NADK2: variants seen among roughly 807,000 people sequenced by gnomAD.
The protein encoded by NADK2 is NAD kinase domain-containing protein 1, mitochondrial.
NADK2 carries 35 observed loss-of-function variants against 62.1 expected under a neutral mutation model. The observed-to-expected ratio is 0.56, with a 90% CI of 0.43 to 0.75. The LOEUF (loss-of-function observed/expected upper bound fraction) is 0.75. Among genes scored for constraint, NADK2 ranks in the 30% least tolerant of loss-of-function variants. The probability of loss-of-function intolerance (pLI) is 0.00; values close to 1 mark genes in which losing one functional copy is unlikely to be tolerated. For missense variants in NADK2, 439 were observed against 561.3 expected (o/e 0.78, Z 2.20); for synonymous variants, 205 against 207.9 (o/e 0.99, Z 0.12).
intron 1 of NADK2, among the ~76,000 whole-genome samples, chr5:36,230,295 T>C (rs1037948740): frequency 6.6e-6 from 1 of 152,204 alleles, no homozygotes; most frequent in Non-Finnish European, 1.5e-5. Flanking sequence ...TGGAATGCTT[T>C]CCATCCCTCC....
At chr5:36,211,520 A>G (rs1746841347) in intron 7 of NADK2, among the ~76,000 whole-genome samples, 2 of 151,360 alleles carry the variant, frequency 1.3e-5, no homozygotes, top group South Asian at 4.2e-4. Flanking sequence ...ACGCCACTGC[A>G]ATCCAGCCTG....
At chr5:36,212,030 A>T (rs980401407) in intron 6 of NADK2, 108 bp from the exon 7 acceptor site, 2 of 781,386 alleles carry the variant, frequency 2.6e-6, no homozygotes, top group Non-Finnish European at 4.2e-6. Flanking sequence ...TTTTTAAAAG[A>T]ATCACATACT....
At position 36,217,732 on chromosome 5, in the gene NADK2, T is replaced by G. The variant is rs369476638; in HGVS notation, c.781+16A>C. 3.7e-6 allele frequency: 6 copies of G among 1,613,672 alleles called. No individual in the cohort carries two copies. The South Asian group carries it at 6.6e-5, about 18-fold the overall frequency. On this transcript the variant is annotated intron_variant, in intron 6 of 11. Coordinates refer to ENST00000381937, the MANE Select transcript of NADK2 (RefSeq NM_001085411.3). ...TAAATATTTCCCCAAACACATCTGA[T>G]GCCCAATCCACCTACTTTCATCATG...
chr5:36,200,985 A>G, intron 9 of NADK2, 121 bp downstream of exon 9: 1 of 754,136 alleles, frequency 1.3e-6, no homozygotes, highest in Non-Finnish European at 2.2e-6. Context: ...AGAAAGAAAA[A>G]GAAATTAATG....
intron 2 of NADK2, 144 bp downstream of exon 2, chr5:36,227,332 AT>A (rs1278727416): frequency 2.6e-6 from 1 of 388,192 alleles, no homozygotes; most frequent in Non-Finnish European, 4.6e-6. Flanking sequence ...ATAAAATCAG[AT>A]CCATTAACCT....
rs201462787 is a variant in NADK2 at position 36,193,568 on chromosome 5, TC to T, written c.*1575del. 47 of 114,902 alleles carry T rather than the reference TC, an allele frequency of 4.1e-4. No homozygotes were observed. The highest frequency in any genetic ancestry group is 3.7e-3 in the Admixed American group (45 of 12,068). 7.1% of individuals were successfully genotyped at this position (114,902 alleles called of 1,614,324 possible). ...TTTATAAAGTGGTATCTTATGTATA[TC>T]AAAAAAAAAAAGCCAGATCAATCTC... On this transcript the variant is annotated 3_prime_UTR_variant, in exon 12 of 12. Transcript: ENST00000381937.
At chr5:36,213,205 G>C (rs930737754) in intron 6 of NADK2, 1 of 152,072 alleles carries the variant, frequency 6.6e-6, no homozygotes, top group African/African-American at 2.4e-5. Flanking sequence ...AACTAGCTAA[G>C]CTACTCTTAG....
chr5:36,216,617 T>C (rs1747054670), intron 6 of NADK2, among the ~76,000 whole-genome samples: 1 of 152,138 alleles, frequency 6.6e-6, no homozygotes, highest in Non-Finnish European at 1.5e-5. Flanking sequence ...ACATCCTAGA[T>C]GCTGAGCTAT....
At chr5:36,224,646 G>A (rs751861381) in intron 4 of NADK2, among the ~76,000 whole-genome samples, 1 of 152,028 alleles carries the variant, frequency 6.6e-6, no homozygotes, top group African/African-American at 2.4e-5. Context: ...GAAAATGGAG[G>A]TGATCAAAAT....
intron 8 of NADK2, 63 bp downstream of exon 8, chr5:36,207,107 C>A (rs1260857495): frequency 2.5e-5 from 36 of 1,415,532 alleles, no homozygotes; most frequent in Non-Finnish European, 3.5e-5. Flanking sequence ...TTAGATGGGC[C>A]AAAATATTAC....
At chr5:36,218,778 CT>C (rs1415937566) in intron 5 of NADK2, among the ~76,000 whole-genome samples, 3 of 152,112 alleles carry the variant, frequency 2.0e-5, no homozygotes, top group African/African-American at 7.2e-5. Context: ...GTAAAAGAAA[CT>C]TTTAAAAATC....
Position 36,241,693 on chromosome 5 carries a change from G to A in NADK2, c.106C>T (p.Arg36Trp), listed in dbSNP as rs910365954. The change falls in exon 1 of 12, where the codon CGG (arginine) becomes TGG (tryptophan). Residue 36 changes from arginine to tryptophan, a missense_variant. By Grantham distance (101) the Arg-to-Trp change is moderately radical. Transcript: ENST00000381937. The surrounding 1 kb of genome is among the most constrained non-coding windows in gnomAD (Gnocchi z 4.9). ...CGGCCGCCACCGTCACCGCCCAGCC[G>A]GGGCCGCGCGGCGGGGCCTCCCGCA... The part of the protein sequence containing the change: ...PGAGGPAARP[R>W]LGGDGGGRRH... 2.6e-6 allele frequency: 3 copies of A among 1,136,494 alleles called. No individual in the cohort carries two copies. The highest frequency in any genetic ancestry group is 2.1e-6 in the Non-Finnish European group (2 of 930,730). 70.4% of individuals were successfully genotyped at this position (1,136,494 alleles called of 1,614,324 possible). A position where few individuals can be genotyped will look rare whatever the true frequency, so the allele number is the denominator to read the frequency against.
intron 4 of NADK2, chr5:36,221,171 ATGT>A (rs1224036006): frequency 6.6e-6 from 1 of 152,324 alleles, no homozygotes; most frequent in East Asian, 1.9e-4. Context: ...AAGCTTTCAA[ATGT>A]TGTAATTATT....
intron 1 of NADK2, among the ~76,000 whole-genome samples, chr5:36,228,280 A>G (rs936253015): frequency 1.3e-5 from 2 of 152,224 alleles, no homozygotes; most frequent in African/African-American, 4.8e-5. Flanking sequence ...TAAAATGTAG[A>G]GAAAAAAGTT....
rs1746150489 is a variant in NADK2 at position 36,194,430 on chromosome 5, A to AAAAC, written c.*710_*713dup. 6.6e-6 allele frequency: 1 copy of AAAAC among 152,202 alleles called. No homozygotes were observed. Among genetic ancestry groups the AAAAC allele is most frequent in the African/African-American group, 2.4e-5 (1 of 41,460 alleles). 9.4% of individuals were successfully genotyped at this position (152,202 alleles called of 1,614,324 possible). On this transcript the variant is annotated 3_prime_UTR_variant, in exon 12 of 12. Coordinates refer to ENST00000381937, the MANE Select transcript of NADK2 (RefSeq NM_001085411.3). The stretch of plus-strand genomic sequence containing the variant: ...CATATCATTTTAAAAAAATTGACTT[A>AAAAC]AAACACTTATTGGATAACTAATACA...
chr5:36,220,601 C>T (rs1042019896), intron 4 of NADK2, among the ~76,000 whole-genome samples: 11 of 152,142 alleles, frequency 7.2e-5, no homozygotes, highest in African/African-American at 2.4e-4. Flanking sequence ...AAGCGTAAGG[C>T]CTAGGTTTTT....
chr5:36,241,955 G>A, upstream of NADK2: 1 of 533,390 alleles, frequency 1.9e-6, no homozygotes, highest in Non-Finnish European at 2.6e-6. The surrounding 1 kb of genome is among the most constrained non-coding windows in gnomAD (Gnocchi z 4.9). Flanking sequence ...GCGGCTAGGG[G>A]GACGTACCCA....
intron 1 of NADK2, among the ~76,000 whole-genome samples, chr5:36,239,421 A>T (rs755562370): frequency 6.6e-6 from 1 of 152,210 alleles, no homozygotes; most frequent in Admixed American, 6.5e-5. Flanking sequence ...TGTAATGACA[A>T]CACCACCAAC....
At chr5:36,200,180 C>A in intron 10 of NADK2, 47 bp downstream of exon 10, 1 of 1,406,136 alleles carries the variant, frequency 7.1e-7, no homozygotes. Context: ...ATCCTTAAAA[C>A]TGAAACAGAA....
Sources: allele counts gnomAD v4.1 joint callset (sites outside exome capture counted in the v4.1 genomes callset), GRCh38; gene constraint gnomAD v4.1.1; non-coding constraint Gnocchi (gnomAD v3.1); transcripts MANE v1.5; gene names NCBI Gene and HGNC (gene_info 2026-07-23, HGNC 2026-07-21).